Variants in PPFIBP2 observed in about 807,000 individuals in gnomAD.
The protein encoded by PPFIBP2 is PPFIB scaffold protein 2, also known as liprin-beta-2.
In PPFIBP2, 118 loss-of-function variants were observed where a neutral mutation model predicts 118.3. That is an observed-to-expected ratio of 1.00 (90% confidence interval 0.86 to 1.16). The LOEUF (loss-of-function observed/expected upper bound fraction) is 1.16, where lower values mean the gene tolerates loss of function less well. PPFIBP2 is among the 50% of genes most tolerant of loss of function. The probability of loss-of-function intolerance (pLI) is 0.00; values close to 1 mark genes in which losing one functional copy is unlikely to be tolerated. For synonymous variants in PPFIBP2, 414 were observed against 397.4 expected (o/e 1.04, Z -0.50); for missense variants, 1,195 against 1,073.1 (o/e 1.11, Z -1.59).
At chr11:7,553,742 T>C (rs1853261913) in intron 2 of PPFIBP2, among the ~76,000 whole-genome samples, 1 of 152,218 alleles carries the variant, frequency 6.6e-6, no homozygotes, top group South Asian at 2.1e-4. Flanking sequence ...ATGTAAGTTA[T>C]TTGTTTTATT....
At chr11:7,610,852 T>C (rs1847982518) in intron 6 of PPFIBP2, among the ~76,000 whole-genome samples, 1 of 152,244 alleles carries the variant, frequency 6.6e-6, no homozygotes, top group Non-Finnish European at 1.5e-5. Flanking sequence ...AGATGGAACC[T>C]CGGGTGATGT....
At chr11:7,638,476 T>G (rs1320586039) in intron 14 of PPFIBP2, among the ~76,000 whole-genome samples, 1 of 152,216 alleles carries the variant, frequency 6.6e-6, no homozygotes, top group East Asian at 1.9e-4. Context: ...CAATGTTCAA[T>G]GAATGAACTG....
At chr11:7,639,676 C>T in intron 14 of PPFIBP2, 56 bp from the exon 15 acceptor site, 3 of 1,609,358 alleles carry the variant, frequency 1.9e-6, no homozygotes, top group Non-Finnish European at 2.5e-6. Context: ...CAAGGATTTC[C>T]TAACTGAGGC....
At chr11:7,514,229 G>T (rs1350031282) in intron 1 of PPFIBP2, 108 bp downstream of exon 1, 1 of 152,396 alleles carries the variant, frequency 6.6e-6, no homozygotes, top group East Asian at 1.9e-4. Flanking sequence ...CGAACCACGG[G>T]GACGTGTGGG....
chr11:7,562,632 G>T (rs1336953869), intron 2 of PPFIBP2, among the ~76,000 whole-genome samples: 2 of 152,006 alleles, frequency 1.3e-5, no homozygotes, highest in Non-Finnish European at 2.9e-5. Flanking sequence ...ATTTAGAATT[G>T]TATCTCCCTT....
At chr11:7,521,444 T>C (rs576364853) in intron 1 of PPFIBP2, among the ~76,000 whole-genome samples, 1 of 152,270 alleles carries the variant, frequency 6.6e-6, no homozygotes, top group Non-Finnish European at 1.5e-5. Flanking sequence ...TATTCTTTTG[T>C]GCCTATCTGC....
intron 17 of PPFIBP2, among the ~76,000 whole-genome samples, chr11:7,643,920 C>G (rs1590775242): frequency 6.6e-6 from 1 of 152,138 alleles, no homozygotes; most frequent in African/African-American, 2.4e-5. Context: ...TAAAGTTTTA[C>G]AGAGTTACAT....
At chr11:7,607,209 C>CTT (rs55981312) in intron 5 of PPFIBP2, among the ~76,000 whole-genome samples, 1,447 of 119,998 alleles carry the variant, frequency 0.012, 49 homozygotes, top group African/African-American at 0.041. Flanking sequence ...CGCGCCCGGC[C>CTT]TTTTTTTTTT....
intron 1 of PPFIBP2, among the ~76,000 whole-genome samples, chr11:7,516,688 T>C (rs1324043512): frequency 6.6e-6 from 1 of 152,176 alleles, no homozygotes; most frequent in Non-Finnish European, 1.5e-5. Flanking sequence ...CTCAGTCTGA[T>C]GTAACTTCTG....
intron 10 of PPFIBP2, 94 bp downstream of exon 10, chr11:7,629,628 C>G (rs941233592): frequency 9.6e-6 from 12 of 1,244,134 alleles, no homozygotes; most frequent in Non-Finnish European, 1.4e-5. Flanking sequence ...TGTTTCACCT[C>G]TGTTTCAGAG....
chr11:7,637,368 C>T (rs1473853332), intron 14 of PPFIBP2, among the ~76,000 whole-genome samples: 1 of 152,184 alleles, frequency 6.6e-6, no homozygotes, highest in South Asian at 2.1e-4. Flanking sequence ...TGTGATATTT[C>T]CTGTGCTTCT....
intron 1 of PPFIBP2, chr11:7,539,344 G>A (rs10839800): frequency 0.16 from 24,404 of 152,320 alleles, 2,429 homozygotes; most frequent in Middle Eastern, 0.23. Context: ...GTGTCTGTGG[G>A]CTCTGCCATT....
chr11:7,592,551 A>AGGGTGGGATTG (rs1403410009), intron 3 of PPFIBP2, among the ~76,000 whole-genome samples: 5 of 139,712 alleles, frequency 3.6e-5, no homozygotes, highest in Non-Finnish European at 7.8e-5. Flanking sequence ...CTCTTATTGG[A>AGGGTGGGATTG]GGGTGGGATT....
At chr11:7,662,425 G>A in the PPFIBP2 span, among the ~76,000 whole-genome samples, 8 of 152,008 alleles carry the variant, frequency 5.3e-5, no homozygotes, top group Non-Finnish European at 1.0e-4. Context: ...TTGGCTGGAT[G>A]TGAAATTCTG....
chr11:7,562,674 A>C (rs573732743), intron 2 of PPFIBP2, among the ~76,000 whole-genome samples: 7 of 151,858 alleles, frequency 4.6e-5, no homozygotes, highest in Non-Finnish European at 1.0e-4. Flanking sequence ...TCATTTTGTC[A>C]TTTACATCCC....
chr11:7,542,053 A>G (rs1459179240), intron 1 of PPFIBP2, among the ~76,000 whole-genome samples: 1 of 152,176 alleles, frequency 6.6e-6, no homozygotes, highest in Non-Finnish European at 1.5e-5. Context: ...TCTATTTTCC[A>G]AGAAGCAGCC....
intron 3 of PPFIBP2, chr11:7,577,332 T>TGTATGTGC (rs1856538531): frequency 1.6e-5 from 4 of 243,552 alleles, no homozygotes; most frequent in African/African-American, 7.9e-5. Context: ...TGTGTGTGTG[T>TGTATGTGC]GTGTGTGTGT....
rs1849101698 is a variant in PPFIBP2 at position 7,514,924 on chromosome 11, G to A, written c.-37+803G>A. ...ATCCGTGTCCCTTTTCTATATTTTG[G>A]TCTACTTCCTGTCTTTCTCTTCGTC... On this transcript the variant is annotated intron_variant, in intron 1 of 23. Coordinates refer to ENST00000299492, the MANE Select transcript of PPFIBP2 (RefSeq NM_003621.5). 2.0e-5 allele frequency among the ~76,000 whole-genome samples: 3 copies of A among 152,084 alleles called. No individual in the cohort carries two copies. The South Asian group carries it at 6.2e-4, about 32-fold the overall frequency.
At chr11:7,567,190 C>G (rs893494239) in intron 3 of PPFIBP2, among the ~76,000 whole-genome samples, 1 of 152,214 alleles carries the variant, frequency 6.6e-6, no homozygotes, top group Admixed American at 6.5e-5. Flanking sequence ...AACTGTTCAC[C>G]TGTATCTTCC....
Sources: gnomAD v4.1 joint callset for allele counts (sites outside exome capture counted in the v4.1 genomes callset) on GRCh38, gnomAD v4.1.1 for gene constraint, MANE v1.5 for transcripts, NCBI Gene and HGNC (gene_info 2026-07-23, HGNC 2026-07-21) for gene names.